The following CDC42SE2 variants were observed in gnomAD, a reference collection of about 807,000 sequenced individuals.
CDC42SE2 encodes CDC42 small effector protein 2.
Under a neutral mutation model 11.5 loss-of-function variants are expected in CDC42SE2, and 3 were observed. That is an observed-to-expected ratio of 0.26 (90% CI 0.12 to 0.67). The LOEUF (loss-of-function observed/expected upper bound fraction) is 0.67. Among genes scored for constraint, CDC42SE2 ranks in the 30% least tolerant of loss-of-function variants. CDC42SE2 has a pLI of 0.80. For missense variants in CDC42SE2, 82 were observed against 106.8 expected (o/e 0.77, Z 1.02); for synonymous variants, 33 against 34.8 (o/e 0.95, Z 0.18).
At chr5:131,318,513 C>T (rs1758096666) in intron 2 of CDC42SE2, among the ~76,000 whole-genome samples, 1 of 152,134 alleles carries the variant, frequency 6.6e-6, no homozygotes, top group South Asian at 2.1e-4. Flanking sequence ...TTATGAATTT[C>T]AACCTGAAAA....
Position 131,351,056 on chromosome 5 carries a change from C to T in CDC42SE2, c.-285-8153C>T, listed in dbSNP as rs148170993. On this transcript the variant is annotated intron_variant, in intron 2 of 4. Coordinates refer to ENST00000505065, the MANE Select transcript of CDC42SE2 (RefSeq NM_001375635.1). ...AACCTCCCAGGCTCAAGTGATCCTC[C>T]TGCCTCAGCCCCTCCAAGTAACTGG... Among the ~76,000 whole-genome samples the T allele has an allele frequency of 1.8e-3, 280 of 152,076 alleles. 2 individuals carry two copies. Among genetic ancestry groups the T allele is most frequent in the African/African-American group, 6.7e-3 (276 of 41,478 alleles).
chr5:131,211,667 T>C, the CDC42SE2 span, among the ~76,000 whole-genome samples: 1 of 152,140 alleles, frequency 6.6e-6, no homozygotes, highest in African/African-American at 2.4e-5. Flanking sequence ...ATCTTGGAGA[T>C]TTCCATACCA....
At chr5:131,265,337 G>C (rs1452797195) in intron 1 of CDC42SE2, among the ~76,000 whole-genome samples, 2 of 152,132 alleles carry the variant, frequency 1.3e-5, no homozygotes, top group African/African-American at 4.8e-5. Flanking sequence ...GAGTGGGATT[G>C]TATTTTGAAA....
At chr5:131,237,891 C>G in the CDC42SE2 span, among the ~76,000 whole-genome samples, 1 of 152,162 alleles carries the variant, frequency 6.6e-6, no homozygotes, top group African/African-American at 2.4e-5. Flanking sequence ...TGCACATTGC[C>G]TTATTTTACT....
At chr5:131,375,129 A>T (rs566755566) in intron 3 of CDC42SE2, among the ~76,000 whole-genome samples, 52 of 151,924 alleles carry the variant, frequency 3.4e-4, no homozygotes, top group African/African-American at 1.2e-3. Flanking sequence ...GGAGAAAAAA[A>T]CTGTTTTCAC....
At chr5:131,305,996 A>G (rs758441262) in intron 1 of CDC42SE2, among the ~76,000 whole-genome samples, 3 of 152,182 alleles carry the variant, frequency 2.0e-5, no homozygotes, top group Non-Finnish European at 2.9e-5. Context: ...TCCTAGCACC[A>G]TTTACAGTAG....
At chr5:131,334,338 T>C (rs1177167780) in intron 2 of CDC42SE2, among the ~76,000 whole-genome samples, 1 of 152,198 alleles carries the variant, frequency 6.6e-6, no homozygotes, top group Admixed American at 6.5e-5. Flanking sequence ...TTGATAAGCT[T>C]TTTGATGTGT....
At chr5:131,356,017 A>T (rs756539052) in intron 2 of CDC42SE2, among the ~76,000 whole-genome samples, 1 of 152,226 alleles carries the variant, frequency 6.6e-6, no homozygotes, top group African/African-American at 2.4e-5. Context: ...TCACTAGCTA[A>T]GTCGCCTTGG....
At chr5:131,382,883 C>CTTATT (rs1387592048) in intron 3 of CDC42SE2, among the ~76,000 whole-genome samples, 1 of 152,000 alleles carries the variant, frequency 6.6e-6, no homozygotes, top group Non-Finnish European at 1.5e-5. Flanking sequence ...AAATAGCTTC[C>CTTATT]TAATAAGGAA....
At chr5:131,332,970 T>C (rs1306039744) in intron 2 of CDC42SE2, among the ~76,000 whole-genome samples, 1 of 151,990 alleles carries the variant, frequency 6.6e-6, no homozygotes, top group Non-Finnish European at 1.5e-5. Context: ...CTCTTTAGTT[T>C]AATTAGATCC....
At chr5:131,298,706 C>T (rs968865957) in intron 1 of CDC42SE2, among the ~76,000 whole-genome samples, 2 of 152,030 alleles carry the variant, frequency 1.3e-5, no homozygotes, top group Non-Finnish European at 2.9e-5. Flanking sequence ...AACAAGTTGG[C>T]TTCCTCTTTC....
the CDC42SE2 span, among the ~76,000 whole-genome samples, chr5:131,210,847 T>G: frequency 6.6e-5 from 10 of 152,318 alleles, no homozygotes; most frequent in South Asian, 4.1e-4. Flanking sequence ...TAGTCTTTTT[T>G]TGTGTGTGTG....
At chr5:131,272,505 A>G (rs1757014724) in intron 1 of CDC42SE2, among the ~76,000 whole-genome samples, 1 of 152,044 alleles carries the variant, frequency 6.6e-6, no homozygotes. Flanking sequence ...ATCTTTACCC[A>G]TACTTTGCCT....
At chr5:131,338,634 A>G (rs192822384) in intron 2 of CDC42SE2, among the ~76,000 whole-genome samples, 1 of 152,358 alleles carries the variant, frequency 6.6e-6, no homozygotes, top group East Asian at 1.9e-4. Flanking sequence ...TTGAGAAAAT[A>G]CTACCATAAG....
At chr5:131,376,224 T>A (rs901063935) in intron 3 of CDC42SE2, among the ~76,000 whole-genome samples, 11 of 150,878 alleles carry the variant, frequency 7.3e-5, no homozygotes, top group African/African-American at 2.4e-4. Context: ...GGGTGACGAA[T>A]GACTCTTGTC....
chr5:131,321,104 A>G (rs1758177829), intron 2 of CDC42SE2, among the ~76,000 whole-genome samples: 1 of 152,226 alleles, frequency 6.6e-6, no homozygotes, highest in African/African-American at 2.4e-5. Context: ...CATCTGCCAA[A>G]TTTAAAATGC....
At chr5:131,384,092 C>T (rs1393469522) in intron 3 of CDC42SE2, among the ~76,000 whole-genome samples, 1 of 152,154 alleles carries the variant, frequency 6.6e-6, no homozygotes, top group East Asian at 1.9e-4. Flanking sequence ...CCGTGTGCCA[C>T]GCAGAATTAC....
upstream of CDC42SE2, among the ~76,000 whole-genome samples, chr5:131,260,751 T>C (rs1185534602): frequency 6.6e-6 from 1 of 151,738 alleles, no homozygotes; most frequent in Non-Finnish European, 1.5e-5. Context: ...CTGGCCAACA[T>C]GGCAAAACCC....
intron 1 of CDC42SE2, among the ~76,000 whole-genome samples, chr5:131,270,067 A>G (rs879649409): frequency 7.3e-5 from 11 of 150,718 alleles, no homozygotes; most frequent in Non-Finnish European, 1.3e-4. Context: ...TCAAAAAAAC[A>G]AAAAAACAAA....
Sources: allele counts gnomAD v4.1 joint callset (sites outside exome capture counted in the v4.1 genomes callset), GRCh38; gene constraint gnomAD v4.1.1; transcripts MANE v1.5; gene names NCBI Gene and HGNC (gene_info 2026-07-23, HGNC 2026-07-21).